ARHGAP31: variants seen among roughly 807,000 people sequenced by gnomAD.
ARHGAP31 encodes the protein rho GTPase-activating protein 31.
A neutral mutation model predicts 113.9 loss-of-function variants in ARHGAP31; 34 were observed. The ratio of observed to expected loss-of-function variants is 0.30; its 90% CI spans 0.23 to 0.40. The LOEUF (loss-of-function observed/expected upper bound fraction) is 0.40. ARHGAP31 is among the 10% of genes least tolerant of loss of function. The pLI is 1.00. For missense variants in ARHGAP31, 1,548 were observed against 1,767.1 expected (o/e 0.88, Z 2.22); for synonymous variants, 650 against 684.8 (o/e 0.95, Z 0.79).
chr3:119,325,861 A>T (rs1288956947), intron 1 of ARHGAP31, among the ~76,000 whole-genome samples: 1 of 152,216 alleles, frequency 6.6e-6, no homozygotes, highest in African/African-American at 2.4e-5. Flanking sequence ...ATTAAATCAG[A>T]ATCTCTGAAG....
Position 119,418,080 on chromosome 3 carries a change from T to C in ARHGAP31, c.*1816T>C, listed in dbSNP as rs995098188. 5 of 141,424 alleles carry C rather than the reference T, an allele frequency of 3.5e-5. No homozygotes were observed. The highest frequency in any genetic ancestry group is 2.1e-4 in the Admixed American group (3 of 14,376). The allele number at this position is 141,424 out of a possible 1,614,324, so 8.8% of individuals were successfully genotyped here. A position where few individuals can be genotyped will look rare whatever the true frequency, so the allele number is the denominator to read the frequency against. ...CTCTCCCTCCCTCCCTCCCCGCCAA[T>C]AAGCCTTACAAACAGTTTTGAAATC... On this transcript the variant is annotated 3_prime_UTR_variant, in exon 12 of 12. Coordinates refer to ENST00000264245, the MANE Select transcript of ARHGAP31 (RefSeq NM_020754.4).
At chr3:119,396,476 A>T (rs576371187) in intron 8 of ARHGAP31, among the ~76,000 whole-genome samples, 23 of 152,330 alleles carry the variant, frequency 1.5e-4, no homozygotes, top group African/African-American at 5.5e-4. Context: ...CTATTGCCTG[A>T]AGTGGTTTCT....
chr3:119,397,632 G>T (rs1433475889), intron 8 of ARHGAP31, among the ~76,000 whole-genome samples: 1 of 152,216 alleles, frequency 6.6e-6, no homozygotes, highest in East Asian at 1.9e-4. Flanking sequence ...GTCCCACAGT[G>T]GGCCCCAGAA....
chr3:119,354,772 C>A (rs1020173799), intron 1 of ARHGAP31, among the ~76,000 whole-genome samples: 70 of 150,888 alleles, frequency 4.6e-4, no homozygotes, highest in African/African-American at 1.6e-3. Context: ...AGGTGATCCA[C>A]CTGCCATTGT....
At chr3:119,337,521 C>G (rs2079968154) in intron 1 of ARHGAP31, among the ~76,000 whole-genome samples, 1 of 152,174 alleles carries the variant, frequency 6.6e-6, no homozygotes, top group Admixed American at 6.5e-5. Context: ...AAATGATTTG[C>G]CACTGTGGGT....
chr3:119,314,314 T>A (rs1036948653), intron 1 of ARHGAP31: 1 of 152,244 alleles, frequency 6.6e-6, no homozygotes, highest in Non-Finnish European at 1.5e-5. Flanking sequence ...GAGAAAAAGT[T>A]AGGTGCCCTT....
chr3:119,331,234 A>G (rs1426000102), intron 1 of ARHGAP31, among the ~76,000 whole-genome samples: 6 of 152,172 alleles, frequency 3.9e-5, no homozygotes, highest in Admixed American at 3.9e-4. Flanking sequence ...GCCCCGAGTC[A>G]CATTTCTGTA....
At chr3:119,408,137 T>A (rs1256521142) in intron 10 of ARHGAP31, among the ~76,000 whole-genome samples, 1 of 152,226 alleles carries the variant, frequency 6.6e-6, no homozygotes, top group Non-Finnish European at 1.5e-5. Flanking sequence ...ATGCAAATAC[T>A]ATGTATGCCA....
intron 1 of ARHGAP31, among the ~76,000 whole-genome samples, chr3:119,332,604 TTCTCTCTCTC>T (rs34228523): frequency 4.7e-5 from 5 of 105,788 alleles, no homozygotes; most frequent in Middle Eastern, 4.8e-3. Context: ...CTCTCTCTCT[TTCTCTCTCTC>T]TCTCTCTCTC....
In ARHGAP31 at chr3:119,419,927, A is replaced by G. The variant is rs978496563; in HGVS notation, c.*3663A>G. The G allele has an allele frequency of 6.6e-6, 1 of 152,234 alleles. No homozygotes were observed. The highest frequency in any genetic ancestry group is 1.5e-5 in the Non-Finnish European group (1 of 68,036). 9.4% of individuals were successfully genotyped at this position (152,234 alleles called of 1,614,324 possible). On this transcript the variant is annotated 3_prime_UTR_variant, in exon 12 of 12. Coordinates refer to ENST00000264245, the MANE Select transcript of ARHGAP31 (RefSeq NM_020754.4). ...ATGAGCCAGGTAAGATCAGTATTCC[A>G]TAGTGCTTGAAAAGGGGATTTTAGA...
chr3:119,332,633 T>TCCCA (rs1430812568), intron 1 of ARHGAP31, among the ~76,000 whole-genome samples: 1 of 61,548 alleles, frequency 1.6e-5, no homozygotes, highest in Non-Finnish European at 3.6e-5. Flanking sequence ...TCTCTCTCTC[T>TCCCA]CTCACACACA....
intron 1 of ARHGAP31, among the ~76,000 whole-genome samples, chr3:119,336,475 A>C (rs73854494): frequency 0.1 from 15,651 of 152,098 alleles, 900 homozygotes; most frequent in Non-Finnish European, 0.12. Context: ...AAATAAGGGG[A>C]TGTGTCGTCA....
In ARHGAP31 at chr3:119,414,952, G is replaced by A; in HGVS notation, c.3023G>A (p.Arg1008Lys). ...GATGAGAAAGCCCTGAGGTCCTTCA[G>A]AGAGTTCTCTGGCCTGAAAGGGGCA... The part of the protein sequence containing the change: ...GWDEKALRSF[R>K]EFSGLKGAEA... The change falls in exon 12 of 12, where the codon AGA becomes AAA. Residue 1008 changes from arginine to lysine, a missense_variant. Arg to Lys is a conservative substitution (Grantham distance 26). Coordinates refer to ENST00000264245, the MANE Select transcript of ARHGAP31 (RefSeq NM_020754.4). 6.2e-7 allele frequency: 1 copy of A among 1,614,224 alleles called. No homozygotes were observed. Among genetic ancestry groups the A allele is most frequent in the Middle Eastern group, 1.6e-4 (1 of 6,062 alleles).
chr3:119,365,155 A>G (rs979428302), intron 1 of ARHGAP31, among the ~76,000 whole-genome samples, 161 bp from the exon 2 acceptor site: 1 of 152,204 alleles, frequency 6.6e-6, no homozygotes, highest in Admixed American at 6.5e-5. Context: ...ATATGAAAGG[A>G]ACATCACCTA....
At chr3:119,366,763 A>G (rs952885445) in intron 2 of ARHGAP31, among the ~76,000 whole-genome samples, 1 of 147,044 alleles carries the variant, frequency 6.8e-6, no homozygotes, top group African/African-American at 2.5e-5. Context: ...TCTTTTTAAA[A>G]GAGAACTATG....
chr3:119,313,481 T>C (rs1019471899), intron 1 of ARHGAP31, among the ~76,000 whole-genome samples: 1 of 152,250 alleles, frequency 6.6e-6, no homozygotes, highest in Non-Finnish European at 1.5e-5. Context: ...CTATAACTTG[T>C]TAAATATCAA....
intron 1 of ARHGAP31, among the ~76,000 whole-genome samples, chr3:119,296,727 G>T (rs1245980265): frequency 6.6e-6 from 1 of 151,988 alleles, no homozygotes; most frequent in Non-Finnish European, 1.5e-5. Flanking sequence ...TTATATTTTG[G>T]GCTTCTGCAT....
intron 1 of ARHGAP31, among the ~76,000 whole-genome samples, chr3:119,315,948 A>G (rs994014265): frequency 2.0e-5 from 3 of 152,192 alleles, no homozygotes; most frequent in African/African-American, 7.2e-5. Flanking sequence ...GTTCTTCAAA[A>G]TCCTATGAAG....
At chr3:119,322,144 T>C (rs1371906823) in intron 1 of ARHGAP31, among the ~76,000 whole-genome samples, 2 of 152,224 alleles carry the variant, frequency 1.3e-5, no homozygotes, top group Non-Finnish European at 1.5e-5. Context: ...GGTGTGTTAT[T>C]AGTCAGAACT....
Sources: allele counts gnomAD v4.1 joint callset (sites outside exome capture counted in the v4.1 genomes callset), GRCh38; gene constraint gnomAD v4.1.1; transcripts MANE v1.5; gene names NCBI Gene and HGNC (gene_info 2026-07-23, HGNC 2026-07-21).